Variants in MYPN observed in about 807,000 individuals in gnomAD.
MYPN encodes sarcomeric protein myopalladin, 145 kDa (MYOP).
MYPN carries 63 observed loss-of-function variants against 129.4 expected under a neutral mutation model. The observed-to-expected ratio is 0.49, with a 90% CI of 0.40 to 0.60. The LOEUF is 0.60. Ranked by LOEUF, MYPN falls within the 20% of genes least tolerant of loss-of-function variation. The pLI, the probability that MYPN is intolerant of heterozygous loss-of-function variation, is 0.00. For missense variants in MYPN, 1,596 were observed against 1,635.4 expected, an observed-to-expected ratio of 0.98 and a Z score of 0.42; for synonymous variants, 629 against 600.9, an observed-to-expected ratio of 1.05 and a Z score of -0.68.
chr10:68,148,116 G>T (rs1482697550), intron 4 of MYPN, among the ~76,000 whole-genome samples: 1 of 152,058 alleles, frequency 6.6e-6, no homozygotes, highest in Non-Finnish European at 1.5e-5. Context: ...TGACTCCCTG[G>T]CTACACTGAG....
At chr10:68,122,689 G>A (rs1257545882) in intron 2 of MYPN, among the ~76,000 whole-genome samples, 1 of 151,988 alleles carries the variant, frequency 6.6e-6, no homozygotes, top group Non-Finnish European at 1.5e-5. Flanking sequence ...ATCACCTGAG[G>A]TCGGGAGCTC....
chr10:68,141,453 T>A (rs1169478428), intron 2 of MYPN, among the ~76,000 whole-genome samples: 1 of 152,072 alleles, frequency 6.6e-6, no homozygotes, highest in Non-Finnish European at 1.5e-5. Flanking sequence ...TAAATTACAG[T>A]AAAGATTAGC....
intron 1 of MYPN, among the ~76,000 whole-genome samples, chr10:68,098,166 A>G (rs918670098): frequency 2.0e-5 from 3 of 152,088 alleles, no homozygotes; most frequent in Admixed American, 1.3e-4. Context: ...GAATCTCTTG[A>G]ACCTGGGAGG....
At chr10:68,108,572 G>A (rs143327336), upstream of MYPN, among the ~76,000 whole-genome samples, 249 of 152,194 alleles carry the variant, frequency 1.6e-3, 2 homozygotes, top group African/African-American at 5.9e-3. Context: ...CAGAATCTAA[G>A]AATGATCTTT....
At chr10:68,193,548 G>GA (rs1271324117) in intron 13 of MYPN, among the ~76,000 whole-genome samples, 2 of 152,134 alleles carry the variant, frequency 1.3e-5, no homozygotes, top group African/African-American at 2.4e-5. Context: ...ACTGGATGCT[G>GA]AAAAATCACA....
chr10:68,112,377 C>T (rs550659842), intron 1 of MYPN, among the ~76,000 whole-genome samples: 37 of 152,316 alleles, frequency 2.4e-4, no homozygotes, highest in Non-Finnish European at 1.5e-5. Flanking sequence ...TAATACGCTT[C>T]GTAGGAGCCA....
intron 6 of MYPN, 97 bp from the exon 7 acceptor site, chr10:68,158,389 A>C (rs535845414): frequency 2.5e-6 from 3 of 1,208,742 alleles, no homozygotes; most frequent in Non-Finnish European, 3.6e-6. Context: ...AAAAATCCAA[A>C]TATGGAGACG....
At chr10:68,108,783 G>A (rs372151323), upstream of MYPN, among the ~76,000 whole-genome samples, 9 of 152,124 alleles carry the variant, frequency 5.9e-5, no homozygotes, top group South Asian at 6.2e-4. Flanking sequence ...ATGCAGTAGC[G>A]TGATCTCGGC....
chr10:68,125,034 G>T (rs942140786), intron 2 of MYPN, among the ~76,000 whole-genome samples: 1 of 152,076 alleles, frequency 6.6e-6, no homozygotes, highest in African/African-American at 2.4e-5. Flanking sequence ...TCTGGACATA[G>T]ATTGATTAAA....
intron 19 of MYPN, 78 bp downstream of exon 19, chr10:68,206,981 G>A: frequency 6.4e-7 from 1 of 1,555,696 alleles, no homozygotes; most frequent in Non-Finnish European, 8.7e-7. Context: ...AAATGGGTCA[G>A]GCAAGGTGGC....
chr10:68,136,830 T>C (rs2042494533), intron 2 of MYPN: 2 of 1,304,214 alleles, frequency 1.5e-6, no homozygotes, highest in East Asian at 2.6e-5. Flanking sequence ...ATTTGTTTTA[T>C]CAAGTTAATA....
chr10:68,107,365 C>T (rs568392436), upstream of MYPN, among the ~76,000 whole-genome samples: 73 of 126,210 alleles, frequency 5.8e-4, no homozygotes, highest in Admixed American at 1.9e-3. Context: ...TTTTTTGAGA[C>T]AGTCTTGCTG....
rs3814182 is a variant in MYPN at position 68,174,501 on chromosome 10, C to A, written c.2409C>A (p.Ser803Arg). ...TPPPFTFSIP[S>R]GNQFQPRCVS... ...CACCATTCACATTTTCCATCCCCAG[C>A]GGAAACCAGTTTCAGCCCCGCTGTG... Residue 803 changes from serine to arginine, a missense_variant, in exon 11 of 20, where the codon AGC becomes AGA. Transcript: ENST00000358913. The A allele has an allele frequency of 1.6e-5, 26 of 1,613,688 alleles. No homozygotes were observed. Among genetic ancestry groups the A allele is most frequent in the Non-Finnish European group, 1.7e-5 (20 of 1,179,938 alleles).
intron 5 of MYPN, 139 bp from the exon 6 acceptor site, chr10:68,149,901 G>A: frequency 1.3e-6 from 1 of 762,326 alleles, no homozygotes; most frequent in Non-Finnish European, 2.3e-6. Context: ...TTTGAAGTCT[G>A]TGATTCATAA....
intron 11 of MYPN, 50 bp from the exon 12 acceptor site, chr10:68,175,272 AC>A (rs778086578): frequency 6.2e-7 from 1 of 1,608,850 alleles, no homozygotes; most frequent in East Asian, 2.2e-5. Flanking sequence ...AGGCCTTTTT[AC>A]CCTGGCCAGT....
intron 2 of MYPN, among the ~76,000 whole-genome samples, chr10:68,140,230 G>A (rs1466840557): frequency 6.6e-6 from 1 of 152,108 alleles, no homozygotes; most frequent in Non-Finnish European, 1.5e-5. Context: ...AAGAGTGATG[G>A]GAGATGGGGT....
At chr10:68,199,612 C>T (rs2043676367) in intron 17 of MYPN, 37 bp downstream of exon 17, 4 of 1,595,636 alleles carry the variant, frequency 2.5e-6, no homozygotes, top group African/African-American at 1.3e-5. Context: ...ACACAACTTC[C>T]TCCAAAGTCA....
At chr10:68,151,625 A>G (rs997726335) in intron 6 of MYPN, among the ~76,000 whole-genome samples, 1 of 152,204 alleles carries the variant, frequency 6.6e-6, no homozygotes, top group African/African-American at 2.4e-5. Flanking sequence ...TTAATTTATC[A>G]TGCCAGTTTG....
chr10:68,163,742 G>C (rs1249370631), intron 8 of MYPN, among the ~76,000 whole-genome samples: 1 of 152,158 alleles, frequency 6.6e-6, no homozygotes, highest in Non-Finnish European at 1.5e-5. Flanking sequence ...CTATCTATAG[G>C]AACAAGGGGA....
Sources: allele counts gnomAD v4.1 joint callset (sites outside exome capture counted in the v4.1 genomes callset), GRCh38; gene constraint gnomAD v4.1.1; transcripts MANE v1.5; gene names NCBI Gene and HGNC (gene_info 2026-07-23, HGNC 2026-07-21).